The following KAZN variants were observed in gnomAD, a reference collection of about 807,000 sequenced individuals.
KAZN encodes the protein kazrin, periplakin interacting protein.
In KAZN, 40 loss-of-function variants were observed where a neutral mutation model predicts 87.4. The observed-to-expected ratio is 0.46, with a 90% CI of 0.36 to 0.60. The LOEUF is 0.60. Among genes scored for constraint, KAZN ranks in the 20% least tolerant of loss-of-function variants. KAZN has a pLI of 0.00. For missense variants in KAZN, 898 were observed against 1,073.9 expected, an observed-to-expected ratio of 0.84 and a Z score of 2.29; for synonymous variants, 466 against 458.3, an observed-to-expected ratio of 1.02 and a Z score of -0.22.
At chr1:14,597,368 G>A (rs899341551), upstream of KAZN, among the ~76,000 whole-genome samples, 1 of 152,108 alleles carries the variant, frequency 6.6e-6, no homozygotes, top group Admixed American at 6.6e-5. Context: ...AGAAAAGGGG[G>A]GAGAAATCTA....
At chr1:14,871,619 C>T (rs1652138903) in intron 1 of KAZN, among the ~76,000 whole-genome samples, 1 of 150,072 alleles carries the variant, frequency 6.7e-6, no homozygotes. Flanking sequence ...ATATCACCTG[C>T]AGTGAGCCTG....
intron 2 of KAZN, among the ~76,000 whole-genome samples, chr1:15,010,478 C>T (rs1422377613): frequency 3.3e-5 from 5 of 151,690 alleles, no homozygotes; most frequent in African/African-American, 1.2e-4. Context: ...GCAAGCTCCG[C>T]CTCCCAGGTT....
chr1:15,035,132 T>TTG (rs1672131149), intron 3 of KAZN, among the ~76,000 whole-genome samples: 1 of 151,920 alleles, frequency 6.6e-6, no homozygotes, highest in Non-Finnish European at 1.5e-5. Context: ...TCCTGGCTCC[T>TTG]TGTGTGTGTG....
chr1:14,924,407 C>T (rs2101521794), intron 1 of KAZN: 2 of 988,886 alleles, frequency 2.0e-6, no homozygotes, highest in South Asian at 9.0e-5. Context: ...CGTCCGCCAG[C>T]TCGCGGCGCA....
chr1:14,382,011 A>G (rs1009858671), intron 2 of KAZN, among the ~76,000 whole-genome samples: 1 of 152,244 alleles, frequency 6.6e-6, no homozygotes, highest in African/African-American at 2.4e-5. Context: ...TACAAAAATC[A>G]GTAGCACTTA....
At chr1:14,255,852 A>G (rs765405271) in intron 2 of KAZN, among the ~76,000 whole-genome samples, 4 of 152,206 alleles carry the variant, frequency 2.6e-5, no homozygotes, top group Non-Finnish European at 5.9e-5. Flanking sequence ...CAAAGTAACA[A>G]TTTGAACCAA....
At position 14,516,799 on chromosome 1, in the gene KAZN, C is replaced by T. The variant is rs144360870; in HGVS notation, c.250-82184C>T. Among the ~76,000 whole-genome samples the T allele has an allele frequency of 3.9e-5, 6 of 152,270 alleles. No homozygotes were observed. The East Asian group carries it at 9.6e-4, about 24-fold the overall frequency. On this transcript the variant is annotated intron_variant, in intron 2 of 16. Transcript: ENST00000636203. ...CCTTTTCCCATCCACAGCTCCATTT[C>T]TCTAACAAGAACCAGCCTTCTTCTT...
chr1:14,702,664 G>A (rs1557900885), intron 1 of KAZN, among the ~76,000 whole-genome samples: 3 of 152,046 alleles, frequency 2.0e-5, no homozygotes, highest in East Asian at 1.9e-4. Context: ...GTGATACACC[G>A]AACTCAACTC....
At chr1:14,854,838 G>A (rs1400455955) in intron 1 of KAZN, among the ~76,000 whole-genome samples, 1 of 152,144 alleles carries the variant, frequency 6.6e-6, no homozygotes, top group Non-Finnish European at 1.5e-5. Flanking sequence ...GTATCTCTTT[G>A]ATAAAGTGTG....
At chr1:14,976,491 T>C (rs1665635547) in intron 2 of KAZN, among the ~76,000 whole-genome samples, 2 of 152,166 alleles carry the variant, frequency 1.3e-5, no homozygotes, top group South Asian at 4.1e-4. Context: ...CAGAACATGG[T>C]TCAGACTCAG....
At chr1:14,886,549 T>C (rs1654089280) in intron 1 of KAZN, among the ~76,000 whole-genome samples, 1 of 152,114 alleles carries the variant, frequency 6.6e-6, no homozygotes, top group Non-Finnish European at 1.5e-5. Flanking sequence ...CCCAGCACTT[T>C]GGGAAGCTGA....
At chr1:14,283,925 A>G (rs1202452596) in intron 2 of KAZN, among the ~76,000 whole-genome samples, 2 of 152,222 alleles carry the variant, frequency 1.3e-5, no homozygotes, top group African/African-American at 4.8e-5. Context: ...TTTGACCATA[A>G]AAAGGAATGA....
intron 1 of KAZN, among the ~76,000 whole-genome samples, chr1:14,658,762 C>T (rs1044193325): frequency 6.6e-6 from 1 of 152,104 alleles, no homozygotes; most frequent in Admixed American, 6.5e-5. Flanking sequence ...ATTCCCTCGC[C>T]CCACCCTAGA....
chr1:14,078,645 C>T (rs748342499), intron 1 of KAZN, among the ~76,000 whole-genome samples: 7 of 152,134 alleles, frequency 4.6e-5, no homozygotes, highest in Non-Finnish European at 5.9e-5. Context: ...CTCACTGTGT[C>T]CTCACAGGAT....
At chr1:14,361,123 T>C (rs1659475219) in intron 2 of KAZN, among the ~76,000 whole-genome samples, 1 of 152,198 alleles carries the variant, frequency 6.6e-6, no homozygotes, top group Admixed American at 6.5e-5. Flanking sequence ...CTTTCAGAGA[T>C]GCTCCGCCCA....
intron 2 of KAZN, among the ~76,000 whole-genome samples, chr1:14,458,678 C>A (rs1275824028): frequency 1.3e-5 from 2 of 152,124 alleles, no homozygotes. Context: ...TGTTAATTTA[C>A]ATTTGCTGGT....
intron 1 of KAZN, among the ~76,000 whole-genome samples, chr1:14,888,898 C>T (rs184146424): frequency 6.6e-5 from 10 of 152,276 alleles, no homozygotes; most frequent in East Asian, 3.9e-4. Context: ...AGTCAAATCA[C>T]GCACAGACTC....
intron 2 of KAZN, among the ~76,000 whole-genome samples, chr1:14,305,830 T>A (rs1359312639): frequency 6.6e-6 from 1 of 152,182 alleles, no homozygotes; most frequent in African/African-American, 2.4e-5. Context: ...CTTCTACGAT[T>A]ATGGCTCACA....
intron 2 of KAZN, among the ~76,000 whole-genome samples, chr1:14,979,095 G>A (rs1665967559): frequency 6.6e-6 from 1 of 151,794 alleles, no homozygotes; most frequent in African/African-American, 2.4e-5. Context: ...AGTACAGACA[G>A]CGTTCACCAT....
Sources: allele counts gnomAD v4.1 joint callset (sites outside exome capture counted in the v4.1 genomes callset), GRCh38; gene constraint gnomAD v4.1.1; transcripts MANE v1.5; gene names NCBI Gene and HGNC (gene_info 2026-07-23, HGNC 2026-07-21).